Variants in PDE7A observed in about 807,000 individuals in gnomAD.
PDE7A encodes the protein high affinity 3',5'-cyclic-AMP phosphodiesterase 7A.
In PDE7A, 39 loss-of-function variants were observed where a neutral mutation model predicts 64.3. That is an observed-to-expected ratio of 0.61 (90% CI 0.47 to 0.79). The LOEUF (loss-of-function observed/expected upper bound fraction) is 0.79. Among genes scored for constraint, PDE7A ranks in the 30% least tolerant of loss-of-function variants. The pLI is 0.00. For synonymous variants in PDE7A, 203 were observed against 206.8 expected (o/e 0.98, Z 0.16); for missense variants, 470 against 582.8 (o/e 0.81, Z 1.99).
intron 1 of PDE7A, among the ~76,000 whole-genome samples, chr8:65,833,933 A>T (rs1394171032): frequency 1.3e-5 from 2 of 152,210 alleles, no homozygotes; most frequent in Non-Finnish European, 2.9e-5. Flanking sequence ...CCTGGGAGAC[A>T]GAACAAGACC....
At chr8:65,828,242 C>A (rs1306993332) in intron 1 of PDE7A, among the ~76,000 whole-genome samples, 2 of 151,942 alleles carry the variant, frequency 1.3e-5, no homozygotes, top group Non-Finnish European at 2.9e-5. Context: ...TACTGAATAA[C>A]CTTCCAGATT....
intron 3 of PDE7A, among the ~76,000 whole-genome samples, chr8:65,750,292 C>G (rs1344678531): frequency 1.3e-5 from 2 of 152,172 alleles, no homozygotes; most frequent in African/African-American, 4.8e-5. Flanking sequence ...AATACTTGTA[C>G]TGTATTTATT....
chr8:65,734,137 T>C (rs1807024304), intron 7 of PDE7A, among the ~76,000 whole-genome samples: 1 of 152,234 alleles, frequency 6.6e-6, no homozygotes, highest in African/African-American at 2.4e-5. Flanking sequence ...TGGTGCTCAC[T>C]GTCTCTACAA....
intron 1 of PDE7A, among the ~76,000 whole-genome samples, chr8:65,811,486 T>A (rs1259431244): frequency 6.6e-6 from 1 of 152,204 alleles, no homozygotes; most frequent in Non-Finnish European, 1.5e-5. Flanking sequence ...CCAGACGGCA[T>A]GAGAGGCTGG....
chr8:65,802,802 C>T (rs532804900), intron 1 of PDE7A, among the ~76,000 whole-genome samples: 21 of 152,150 alleles, frequency 1.4e-4, no homozygotes, highest in African/African-American at 4.6e-4. Context: ...AAATGGAATC[C>T]CCAATGTTGG....
chr8:65,729,440 G>C (rs1439685780), intron 7 of PDE7A, among the ~76,000 whole-genome samples: 2 of 145,764 alleles, frequency 1.4e-5, no homozygotes, highest in Non-Finnish European at 3.0e-5. Flanking sequence ...GAAGGTACCT[G>C]AGATACTGGT....
rs1811100042 is a variant in PDE7A, at chr8:65,841,841, G to C, written c.-333C>G. The C allele has an allele frequency of 6.4e-6, 1 of 156,676 alleles. No individual in the cohort carries two copies. The allele number at this position is 156,676 out of a possible 1,614,324, so 9.7% of individuals were successfully genotyped here. ...CCCTGGGGCTCCTCGGCCGAGAGGA[G>C]CAGGTACCCGGACTGCAGAGTTCGA... is the stretch of plus-strand genomic sequence containing the variant. On this transcript the variant is annotated 5_prime_UTR_variant, in exon 1 of 13. Transcript: ENST00000401827.
intron 1 of PDE7A, among the ~76,000 whole-genome samples, chr8:65,830,356 TAATTTTG>T: frequency 6.6e-6 from 1 of 152,200 alleles, no homozygotes. Flanking sequence ...GCATTAAGAA[TAATTTTG>T]ATTATGGATT....
Position 65,714,413 on chromosome 8 carries a change from G to T in PDE7A, c.*4877C>A, listed in dbSNP as rs1224720554. 1 of 152,018 alleles carries T rather than the reference G, an allele frequency of 6.6e-6. No homozygotes were observed. The highest frequency in any genetic ancestry group is 1.9e-4 in the East Asian group (1 of 5,198). 9.4% of individuals were successfully genotyped at this position (152,018 alleles called of 1,614,324 possible). On this transcript the variant is annotated 3_prime_UTR_variant, in exon 13 of 13. Coordinates refer to ENST00000401827, the MANE Select transcript of PDE7A (RefSeq NM_001242318.3). ...GAGCACAGGAACCAGGAAGATGGAG[G>T]AGACCTGCTGGGTGCTCTCCATCAG...
At chr8:65,813,793 G>A (rs1003718864) in intron 1 of PDE7A, among the ~76,000 whole-genome samples, 1 of 152,188 alleles carries the variant, frequency 6.6e-6, no homozygotes, top group Non-Finnish European at 1.5e-5. Context: ...ATTTTCCTAA[G>A]GTCCTCTCTT....
intron 1 of PDE7A, among the ~76,000 whole-genome samples, chr8:65,800,645 C>G (rs1185188059): frequency 6.6e-6 from 1 of 152,092 alleles, no homozygotes; most frequent in Non-Finnish European, 1.5e-5. Flanking sequence ...TGAGTAGGCC[C>G]TAGTTTGGTT....
chr8:65,731,948 TC>T (rs1156652301), intron 7 of PDE7A, among the ~76,000 whole-genome samples: 2 of 152,072 alleles, frequency 1.3e-5, no homozygotes, highest in Non-Finnish European at 2.9e-5. Context: ...ACTCTTGCCA[TC>T]CACCTGGTCA....
chr8:65,776,475 A>G (rs1284012234), intron 3 of PDE7A, among the ~76,000 whole-genome samples: 1 of 152,182 alleles, frequency 6.6e-6, no homozygotes, highest in Non-Finnish European at 1.5e-5. Context: ...AAACCTATAC[A>G]GATCAATTTA....
chr8:65,815,266 G>A (rs1481762981), intron 1 of PDE7A, among the ~76,000 whole-genome samples: 1 of 152,074 alleles, frequency 6.6e-6, no homozygotes, highest in African/African-American at 2.4e-5. Flanking sequence ...TAACTTATAA[G>A]AGCCATTAAA....
At chr8:65,838,031 A>T (rs1421797896) in intron 1 of PDE7A, among the ~76,000 whole-genome samples, 1 of 120,556 alleles carries the variant, frequency 8.3e-6, no homozygotes, top group Non-Finnish European at 1.9e-5. Context: ...AATATTTCTT[A>T]AAAAAAAAAA....
At chr8:65,765,349 CGT>C (rs1808720054) in intron 3 of PDE7A, among the ~76,000 whole-genome samples, 1 of 150,292 alleles carries the variant, frequency 6.7e-6, no homozygotes, top group Non-Finnish European at 1.5e-5. Flanking sequence ...ATTAGCCGGG[CGT>C]AGTGGCGGGC....
At chr8:65,745,294 A>G (rs1467337197) in intron 5 of PDE7A, 113 bp downstream of exon 5, 4 of 710,496 alleles carry the variant, frequency 5.6e-6, no homozygotes, top group Non-Finnish European at 1.0e-5. Context: ...ACTCTCTTCC[A>G]GCAGAGGGCT....
intron 3 of PDE7A, among the ~76,000 whole-genome samples, chr8:65,754,738 G>A (rs1366747000): frequency 1.1e-4 from 16 of 150,444 alleles, no homozygotes; most frequent in Admixed American, 2.6e-4. Flanking sequence ...AGGCTGAGGC[G>A]AGTGGATCAC....
chr8:65,732,451 T>C (rs1268309237), intron 7 of PDE7A, among the ~76,000 whole-genome samples: 1 of 152,236 alleles, frequency 6.6e-6, no homozygotes, highest in East Asian at 1.9e-4. Flanking sequence ...ATGTGGCAGA[T>C]GCTCAAAGAG....
Sources: gnomAD v4.1 joint callset for allele counts (sites outside exome capture counted in the v4.1 genomes callset) on GRCh38, gnomAD v4.1.1 for gene constraint, MANE v1.5 for transcripts, NCBI Gene and HGNC (gene_info 2026-07-23, HGNC 2026-07-21) for gene names.